The following IFIT3 variants were observed in gnomAD, a reference collection of about 807,000 sequenced individuals.
IFIT3 encodes interferon-induced protein with tetratricopeptide repeats 3.
Under a neutral mutation model 2.4 loss-of-function variants are expected in IFIT3, and 2 were observed. That is an observed-to-expected ratio of 0.82 (90% CI 0.34 to 2.60). IFIT3 has a LOEUF of 2.60. IFIT3 is among the 30% of genes most tolerant of loss of function. IFIT3 has a pLI of 0.11. For missense variants in IFIT3, 481 were observed against 562.4 expected (o/e 0.86, Z 1.46); for synonymous variants, 203 against 212.1 (o/e 0.96, Z 0.37).
intron 1 of IFIT3, 39 bp downstream of exon 1, chr10:89,328,117 A>G: frequency 6.2e-7 from 1 of 1,606,884 alleles, no homozygotes; most frequent in Non-Finnish European, 8.5e-7. Flanking sequence ...CTTGTTTTTG[A>G]GTGCAAATTG....
intron 1 of IFIT3, chr10:89,332,456 G>A (rs1196432771): frequency 1.1e-5 from 16 of 1,465,344 alleles, no homozygotes; most frequent in South Asian, 1.4e-5. Context: ...CCTCAAGAGG[G>A]ATCTTGATAG....
Position 89,339,353 on chromosome 10 carries a change from C to G in IFIT3, c.698C>G (p.Ala233Gly), listed in dbSNP as rs773668666. The change falls in exon 2 of 2, where the codon GCC (alanine) becomes GGC (glycine). Residue 233 changes from alanine to glycine, a missense_variant. By Grantham distance (60) the Ala-to-Gly change is moderately conservative. Coordinates refer to ENST00000371818, the MANE Select transcript of IFIT3 (RefSeq NM_001549.6). ...GAAGGAGAGCAGTTTGTTGAAGAAG[C>G]CTTGGAAAAGTCTCCTTGCCAAACA... is the stretch of plus-strand genomic sequence containing the variant. Reference protein sequence around the residue: ...EAEGEQFVEEALEKSPCQTDV... With the variant: ...EAEGEQFVEEGLEKSPCQTDV... 1.9e-6 allele frequency: 3 copies of G among 1,613,618 alleles called. No homozygotes were observed.
At chr10:89,328,868 C>T (rs978858250) in intron 1 of IFIT3, among the ~76,000 whole-genome samples, 1 of 152,046 alleles carries the variant, frequency 6.6e-6, no homozygotes, top group Non-Finnish European at 1.5e-5. Context: ...TAGGAAGGCT[C>T]CCAAAAGAAT....
chr10:89,335,086 A>C (rs1356825243), intron 1 of IFIT3, among the ~76,000 whole-genome samples: 3 of 152,144 alleles, frequency 2.0e-5, no homozygotes, highest in African/African-American at 2.4e-5. Flanking sequence ...ATTTTGCTCC[A>C]AATTTTACTT....
At chr10:89,335,718 G>A (rs1843727961) in intron 1 of IFIT3, among the ~76,000 whole-genome samples, 1 of 151,918 alleles carries the variant, frequency 6.6e-6, no homozygotes, top group Non-Finnish European at 1.5e-5. Flanking sequence ...GCACCCATAT[G>A]TACCTACAAA....
Position 89,340,015 on chromosome 10 carries a change from G to A in IFIT3, c.1360G>A (p.Gly454Ser). Residue 454 changes from glycine to serine, a missense_variant, in exon 2 of 2, where the codon GGC (glycine) becomes AGC (serine). Physicochemically the swap from Gly to Ser is moderately conservative, Grantham distance 56 (BLOSUM62 0). Transcript: ENST00000371818. ...RLLRDAPSGI[G>S]SIFLSASELE... ...GCTAAGGGATGCCCCTTCAGGCATA[G>A]GCAGTATTTTCCTGTCAGCATCTGA... 12 of 1,614,216 alleles carry A rather than the reference G, an allele frequency of 7.4e-6. No homozygotes were observed. The highest frequency in any genetic ancestry group is 1.0e-5 in the Non-Finnish European group (12 of 1,180,034).
chr10:89,337,705 G>A (rs1272581119), intron 1 of IFIT3, among the ~76,000 whole-genome samples: 1 of 152,206 alleles, frequency 6.6e-6, no homozygotes, highest in South Asian at 2.1e-4. Context: ...GGCTGACTTG[G>A]TAATTGAGCA....
intron 1 of IFIT3, among the ~76,000 whole-genome samples, chr10:89,338,447 C>T (rs1328555857): frequency 6.6e-6 from 1 of 152,174 alleles, no homozygotes. Flanking sequence ...GGATAATGCC[C>T]ACCCATACTG....
At chr10:89,337,753 C>A (rs1408838992) in intron 1 of IFIT3, among the ~76,000 whole-genome samples, 1 of 152,186 alleles carries the variant, frequency 6.6e-6, no homozygotes, top group Non-Finnish European at 1.5e-5. Context: ...CTGAAGCTGC[C>A]TCCTCTTACC....
At position 89,328,070 on chromosome 10, in the gene IFIT3, A is replaced by G; in HGVS notation, c.-4A>G. The stretch of plus-strand genomic sequence containing the variant: ...TCGGAACAGCAGAGACACAGAGGGC[A>G]GTCATGAGGTCAGTGAAATAAGAAT... On this transcript the variant is annotated 5_prime_UTR_variant, in exon 1 of 2. Transcript: ENST00000371818. 1 of 1,614,014 alleles carries G rather than the reference A, an allele frequency of 6.2e-7. No individual in the cohort carries two copies.
Position 89,339,765 on chromosome 10 carries a change from T to C in IFIT3, c.1110T>C (p.Tyr370=). The change falls in exon 2 of 2, where the codon TAT becomes TAC. Residue 370 remains tyrosine, a synonymous_variant. Coordinates refer to ENST00000371818, the MANE Select transcript of IFIT3 (RefSeq NM_001549.6). ...SHQRYCNLQK[Y]NGKSEDTAVQ... Reference sequence around the variant, plus strand: ...AGCGCTACTGCAACCTTCAGAAATATAATGGGAAGTCTGAAGACACTGCTG... The same window carrying C: ...AGCGCTACTGCAACCTTCAGAAATACAATGGGAAGTCTGAAGACACTGCTG... The C allele has an allele frequency of 1.2e-6, 2 of 1,614,110 alleles. No individual in the cohort carries two copies. The highest frequency in any genetic ancestry group is 8.5e-7 in the Non-Finnish European group (1 of 1,180,006).
At chr10:89,337,903 G>C (rs1219323232) in intron 1 of IFIT3, among the ~76,000 whole-genome samples, 3 of 152,178 alleles carry the variant, frequency 2.0e-5, no homozygotes, top group Admixed American at 6.5e-5. Context: ...GTACAAAAGT[G>C]ATAATTCCAT....
At chr10:89,336,893 A>G (rs988843365) in intron 1 of IFIT3, among the ~76,000 whole-genome samples, 1 of 152,246 alleles carries the variant, frequency 6.6e-6, no homozygotes, top group African/African-American at 2.4e-5. Context: ...AGTGAGGGAC[A>G]TACAGCCCAA....
chr10:89,331,675 A>T (rs949186028), intron 1 of IFIT3, among the ~76,000 whole-genome samples: 2 of 152,050 alleles, frequency 1.3e-5, no homozygotes, highest in Middle Eastern at 3.4e-3. Flanking sequence ...CCTGGGCAAC[A>T]TAGTGAGACC....
At chr10:89,333,411 A>C (rs1350961400) in intron 1 of IFIT3, among the ~76,000 whole-genome samples, 2 of 152,228 alleles carry the variant, frequency 1.3e-5, no homozygotes, top group Non-Finnish European at 2.9e-5. Context: ...TGGCTTACAG[A>C]AGAAATGTCC....
rs757055001 is a variant in IFIT3 at position 89,339,439 on chromosome 10, G to A, written c.784G>A (p.Glu262Lys). 9.9e-6 allele frequency: 16 copies of A among 1,614,060 alleles called. No homozygotes were observed. The highest frequency in any genetic ancestry group is 1.4e-5 in the Non-Finnish European group (16 of 1,180,030). Residue 262 changes from glutamate to lysine, a missense_variant, in exon 2 of 2, where the codon GAA becomes AAA. By Grantham distance (56) the Glu-to-Lys change is moderately conservative (BLOSUM62 1). Coordinates refer to ENST00000371818, the MANE Select transcript of IFIT3 (RefSeq NM_001549.6). ...AAAAGGTGACCTAGACAAAGCTATT[G>A]AACTGTTTCAACGGGTGTTGGAATC... ...RRKGDLDKAI[E>K]LFQRVLESTP...
At chr10:89,332,429 A>G in intron 1 of IFIT3, 32 of 1,365,950 alleles carry the variant, frequency 2.3e-5, no homozygotes, top group Non-Finnish European at 3.0e-5. Flanking sequence ...GTTCTCACAG[A>G]TTCTGTTTCA....
chr10:89,337,935 C>T (rs1207712177), intron 1 of IFIT3, among the ~76,000 whole-genome samples: 3 of 152,144 alleles, frequency 2.0e-5, no homozygotes, highest in African/African-American at 7.2e-5. Flanking sequence ...ACTTAAAATA[C>T]AGTATTCAAT....
intron 1 of IFIT3, among the ~76,000 whole-genome samples, chr10:89,336,451 C>T (rs1295502387): frequency 1.3e-5 from 2 of 152,180 alleles, no homozygotes; most frequent in Non-Finnish European, 2.9e-5. Context: ...CATGTGCAAT[C>T]ATATTGGGCC....
Sources: gnomAD v4.1 joint callset for allele counts (sites outside exome capture counted in the v4.1 genomes callset) on GRCh38, gnomAD v4.1.1 for gene constraint, MANE v1.5 for transcripts, NCBI Gene and HGNC (gene_info 2026-07-23, HGNC 2026-07-21) for gene names.